Variants in TMEM242 observed in about 807,000 individuals in gnomAD.
The protein encoded by TMEM242 is transmembrane protein 242, also known as UPF0463 transmembrane protein C6orf35.
Under a neutral mutation model 18.2 loss-of-function variants are expected in TMEM242, and 10 were observed. That is an observed-to-expected ratio of 0.55 (90% CI 0.34 to 0.93). The LOEUF (loss-of-function observed/expected upper bound fraction) is 0.93. Ranked by LOEUF, TMEM242 falls within the 40% of genes least tolerant of loss-of-function variation. The probability of loss-of-function intolerance (pLI) is 0.02; values close to 1 mark genes in which losing one functional copy is unlikely to be tolerated. For synonymous variants in TMEM242, 57 were observed against 69.9 expected (o/e 0.81, Z 0.92); for missense variants, 186 against 175.5 (o/e 1.06, Z -0.34).
In TMEM242 at chr6:157,299,528, CT is replaced by C. The variant is rs376933455; in HGVS notation, c.328-6530del. 4.1e-3 allele frequency: 6,089 copies of C among 1,476,050 alleles called. 22 individuals are homozygous for C. Among genetic ancestry groups the C allele is most frequent in the South Asian group, 5.9e-3 (516 of 87,102 alleles). The allele number at this position is 1,476,050 out of a possible 1,614,324, so 91.4% of individuals were successfully genotyped here. On this transcript the variant is annotated intron_variant, in intron 3 of 3. Transcript: ENST00000400788. ...ACGAGCAGTATCCAGATTACAGCCGCTTCCAATAACACGGTTTTTGGAAAAT... is the reference window on the plus strand; with the variant it reads ...ACGAGCAGTATCCAGATTACAGCCGCTCCAATAACACGGTTTTTGGAAAAT...
intron 3 of TMEM242, among the ~76,000 whole-genome samples, chr6:157,303,936 T>C (rs587594008): frequency 1.4e-4 from 22 of 152,198 alleles, no homozygotes; most frequent in African/African-American, 5.3e-4. Context: ...CCACAAAGAA[T>C]AGAATAAAGG....
chr6:157,313,527 C>A (rs1778282111), intron 3 of TMEM242, among the ~76,000 whole-genome samples: 1 of 55,366 alleles, frequency 1.8e-5, no homozygotes, highest in Non-Finnish European at 5.6e-5. Context: ...GTGCAGTCAT[C>A]TGGCGTCATC....
intron 3 of TMEM242, among the ~76,000 whole-genome samples, chr6:157,309,703 A>C (rs1332886083): frequency 3.3e-5 from 5 of 152,186 alleles, no homozygotes; most frequent in African/African-American, 9.7e-5. Flanking sequence ...AATACTTCTT[A>C]TCCCATGGCA....
chr6:157,323,328 T>C (rs1778527052), intron 1 of TMEM242, 84 bp downstream of exon 1: 2 of 1,404,580 alleles, frequency 1.4e-6, no homozygotes, highest in East Asian at 4.6e-5. Flanking sequence ...GAGCGGGATG[T>C]GTGTGGGAAT....
At position 157,290,418 on chromosome 6, in the gene TMEM242, G is replaced by A. The variant is rs1400727998; in HGVS notation, c.*2483C>T. ...TAATAGGGTGATTAAAACTCTTTAT[G>A]CTCCAGGAGATAAATGTGATTATGT... On this transcript the variant is annotated 3_prime_UTR_variant, in exon 4 of 4. Coordinates refer to ENST00000400788, the MANE Select transcript of TMEM242 (RefSeq NM_018452.6). 1 of 152,092 alleles carries A rather than the reference G, an allele frequency of 6.6e-6. No homozygotes were observed. The highest frequency in any genetic ancestry group is 1.5e-5 in the Non-Finnish European group (1 of 68,024). 9.4% of individuals were successfully genotyped at this position (152,092 alleles called of 1,614,324 possible). A position where few individuals can be genotyped will look rare whatever the true frequency, so the allele number is the denominator to read the frequency against.
rs1562383987 is a variant in TMEM242, at chr6:157,312,013, G to GTGTCCCAGTGTGCGCTCACCTGGCCTCAT, written c.327+6768_327+6769insATGAGGCCAGGTGAGCGCACACTGGGACA. On this transcript the variant is annotated intron_variant, in intron 3 of 3. Transcript: ENST00000400788. Reference sequence around the variant, plus strand: ...CCCAGTGAGCACTCACCTAGCCTCAGCATAGTGCCCCAGTGTGCACTCAAC... The same window carrying GTGTCCCAGTGTGCGCTCACCTGGCCTCAT: ...CCCAGTGAGCACTCACCTAGCCTCAGTGTCCCAGTGTGCGCTCACCTGGCCTCATCATAGTGCCCCAGTGTGCACTCAAC... Among the ~76,000 whole-genome samples, 3 of 2,340 alleles carry GTGTCCCAGTGTGCGCTCACCTGGCCTCAT rather than the reference G, an allele frequency of 1.3e-3. 1 individual carries two copies. The highest frequency in any genetic ancestry group is 9.3e-3 in the African/African-American group (3 of 322). The allele number at this position is 2,340 out of a possible 152,430, so 1.5% of individuals were successfully genotyped here. A position where few individuals can be genotyped will look rare whatever the true frequency, so the allele number is the denominator to read the frequency against.
intron 2 of TMEM242, among the ~76,000 whole-genome samples, chr6:157,322,202 C>T (rs1296653755): frequency 1.3e-5 from 2 of 152,190 alleles, no homozygotes; most frequent in African/African-American, 4.8e-5. Flanking sequence ...GTTATCTGGG[C>T]TCACTACAAC....
rs1336584447 is a variant in TMEM242, at chr6:157,305,163, A to G, written c.328-12164T>C. On this transcript the variant is annotated intron_variant, in intron 3 of 3. Transcript: ENST00000400788. This position sits in a 1 kb window ranked among gnomAD's most constrained non-coding sequence, Gnocchi z 4.1. ...GAAGGAATAAGGAAGAGGCCGGGAA[A>G]CTGGACAGGAAACTCTTAAAACACT... is the stretch of plus-strand genomic sequence containing the variant. Among the ~76,000 whole-genome samples the G allele has an allele frequency of 6.6e-6, 1 of 152,166 alleles. No individual in the cohort carries two copies. The highest frequency in any genetic ancestry group is 2.4e-5 in the African/African-American group (1 of 41,436).
intron 3 of TMEM242, among the ~76,000 whole-genome samples, chr6:157,311,194 T>TCATCATA (rs1778060384): frequency 8.4e-6 from 1 of 118,402 alleles, no homozygotes; most frequent in Non-Finnish European, 1.8e-5. Flanking sequence ...TCACCCAGCC[T>TCATCATA]GATCATACTG....
chr6:157,321,405 C>T (rs1438868072), intron 2 of TMEM242, among the ~76,000 whole-genome samples: 1 of 152,142 alleles, frequency 6.6e-6, no homozygotes, highest in Non-Finnish European at 1.5e-5. Flanking sequence ...AACAAGGACA[C>T]TGTTAAGTAA....
intron 3 of TMEM242, among the ~76,000 whole-genome samples, chr6:157,294,822 T>C (rs1487610918): frequency 6.6e-6 from 1 of 152,232 alleles, no homozygotes; most frequent in African/African-American, 2.4e-5. Context: ...GTAGCACTGC[T>C]GTCAGCAGCA....
intron 3 of TMEM242, among the ~76,000 whole-genome samples, chr6:157,312,200 GCA>G (rs1778163636): frequency 2.8e-5 from 4 of 143,290 alleles, no homozygotes; most frequent in South Asian, 4.7e-4. Context: ...GTCCCAGTGT[GCA>G]CTGAGCTAGC....
chr6:157,311,148 A>T (rs868982897), intron 3 of TMEM242, among the ~76,000 whole-genome samples: 1 of 6,200 alleles, frequency 1.6e-4, no homozygotes, highest in Non-Finnish European at 3.3e-4. Flanking sequence ...CCCAGTGTGC[A>T]CTCACCTAGC....
rs587604150 is a variant in TMEM242 at position 157,312,495 on chromosome 6, A to T, written c.327+6287T>A. On this transcript the variant is annotated intron_variant, in intron 3 of 3. Transcript: ENST00000400788. ...TCACCTAGCCTCATCATAGTGTCCCAGTGTGCACTCACCGAGCCTCATCAT... is the reference window on the plus strand; with the variant it reads ...TCACCTAGCCTCATCATAGTGTCCCTGTGTGCACTCACCGAGCCTCATCAT... Among the ~76,000 whole-genome samples, 52 of 149,360 alleles carry T rather than the reference A, an allele frequency of 3.5e-4. 3 individuals carry two copies. The highest frequency in any genetic ancestry group is 1.3e-3 in the African/African-American group (51 of 40,120).
chr6:157,317,873 A>G (rs1231065629), intron 3 of TMEM242, among the ~76,000 whole-genome samples: 3 of 152,156 alleles, frequency 2.0e-5, no homozygotes, highest in African/African-American at 7.2e-5. Flanking sequence ...ATATATCGAC[A>G]TCTGTTTTCA....
At chr6:157,320,805 CT>C (rs1158730467) in intron 2 of TMEM242, among the ~76,000 whole-genome samples, 1 of 152,158 alleles carries the variant, frequency 6.6e-6, no homozygotes, top group African/African-American at 2.4e-5. Context: ...GCAATAAATA[CT>C]GACAATTGTT....
At chr6:157,294,784 G>A (rs1777730719) in intron 3 of TMEM242, among the ~76,000 whole-genome samples, 1 of 152,142 alleles carries the variant, frequency 6.6e-6, no homozygotes, top group African/African-American at 2.4e-5. Flanking sequence ...TAAATCCTAG[G>A]CATTTACTCC....
rs1777755230 is a variant in TMEM242, at chr6:157,296,738, G to A, written c.328-3739C>T. On this transcript the variant is annotated intron_variant, in intron 3 of 3. Transcript: ENST00000400788. The stretch of plus-strand genomic sequence containing the variant: ...CATGAATGGTACTCCCCAGTGCCGT[G>A]GGCCCACCATCCTCATCTAAGACAT... Among the ~76,000 whole-genome samples, 2 of 151,928 alleles carry A rather than the reference G, an allele frequency of 1.3e-5. 1 individual carries two copies. The highest frequency in any genetic ancestry group is 4.2e-4 in the South Asian group (2 of 4,802).
chr6:157,314,053 G>A (rs782298364), intron 3 of TMEM242, among the ~76,000 whole-genome samples: 39 of 2,830 alleles, frequency 0.014, no homozygotes, highest in African/African-American at 0.034. Flanking sequence ...TCATAGTGCC[G>A]CAGTGTGCGC....
Sources: allele counts gnomAD v4.1 joint callset (sites outside exome capture counted in the v4.1 genomes callset), GRCh38; gene constraint gnomAD v4.1.1; non-coding constraint Gnocchi (gnomAD v3.1); transcripts MANE v1.5; gene names NCBI Gene and HGNC (gene_info 2026-07-23, HGNC 2026-07-21).